Variants in SRRD observed in about 807,000 individuals in gnomAD.
SRRD encodes SRR1-like protein.
In SRRD, 28 loss-of-function variants were observed where a neutral mutation model predicts 30.7. That is an observed-to-expected ratio of 0.91 (90% confidence interval 0.68 to 1.25). SRRD has a LOEUF of 1.25. SRRD is among the 50% of genes most tolerant of loss of function. The probability of loss-of-function intolerance (pLI) is 0.00; values close to 1 mark genes in which losing one functional copy is unlikely to be tolerated. For synonymous variants in SRRD, 161 were observed against 159.6 expected, an observed-to-expected ratio of 1.01 and a Z score of -0.07; for missense variants, 415 against 417.3, an observed-to-expected ratio of 0.99 and a Z score of 0.05.
At chr22:26,488,513 C>G in intron 4 of SRRD, 25 bp downstream of exon 4, 1 of 1,571,958 alleles carries the variant, frequency 6.4e-7, no homozygotes, top group African/African-American at 1.3e-5. Context: ...GGGGAGCAGA[C>G]AGAACTGTAA....
chr22:26,485,859 C>T (rs1474872249), intron 1 of SRRD, among the ~76,000 whole-genome samples, 164 bp from the exon 2 acceptor site: 4 of 152,202 alleles, frequency 2.6e-5, no homozygotes, highest in Non-Finnish European at 5.9e-5. Context: ...TGCTCTGGCT[C>T]TGGACATATT....
At chr22:26,488,799 A>T (rs140945695) in intron 4 of SRRD, among the ~76,000 whole-genome samples, 1 of 152,376 alleles carries the variant, frequency 6.6e-6, no homozygotes, top group East Asian at 1.9e-4. Context: ...GAAACATAAA[A>T]GTCTAGGTGC....
chr22:26,483,942 C>G lies in SRRD; in HGVS notation c.52C>G (p.Arg18Gly). 7.4e-7 allele frequency: 1 copy of G among 1,355,928 alleles called. No individual in the cohort carries two copies. The highest frequency in any genetic ancestry group is 9.4e-7 in the Non-Finnish European group (1 of 1,065,288). The allele number at this position is 1,355,928 out of a possible 1,614,324, so 84.0% of individuals were successfully genotyped here. The change falls in exon 1 of 7, where the codon CGG (arginine) becomes GGG (glycine). Residue 18 changes from arginine (R) to glycine (G), a missense_variant. By Grantham distance (125) the Arg-to-Gly change is moderately radical. Coordinates refer to ENST00000215917, the MANE Select transcript of SRRD (RefSeq NM_001013694.3). ...ALESWQAAAP[R>G]KRRSAARRPR... is the part of the protein sequence containing the mutation. The stretch of plus-strand genomic sequence containing the variant: ...GGAATCCTGGCAGGCGGCGGCTCCG[C>G]GGAAGAGGCGCTCCGCGGCTCGACG...
rs1569146681 is a variant in SRRD at position 26,484,027 on chromosome 22, CGGCGCCCCGGG to C, written c.139_149del (p.Ala47ProfsTer8). The C allele has an allele frequency of 2.1e-5, 30 of 1,436,170 alleles. No individual in the cohort carries two copies. Among genetic ancestry groups the C allele is most frequent in the South Asian group, 2.8e-5 (2 of 72,066 alleles). The allele number at this position is 1,436,170 out of a possible 1,614,324, so 89.0% of individuals were successfully genotyped here. On this transcript the variant is annotated frameshift_variant, in exon 1 of 7. Coordinates refer to ENST00000215917, the MANE Select transcript of SRRD (RefSeq NM_001013694.3). LOFTEE classifies it high-confidence loss of function. ...GAGGCGGCGCCCCGGGGGAGAGAGG[CGGCGCCCCGGG>C]GCCCCGAGGCGGAGTTCGAGTCTGA...
chr22:26,490,581 T>TTTTTTTTTTTTTTC (rs1921041695), intron 5 of SRRD, among the ~76,000 whole-genome samples: 1 of 142,112 alleles, frequency 7.0e-6, no homozygotes, highest in Non-Finnish European at 1.5e-5. Context: ...TTTTTTTTTT[T>TTTTTTTTTTTTTTC]GAGATGGAGT....
At chr22:26,486,148 G>T in intron 2 of SRRD, 85 bp downstream of exon 2, 1 of 1,569,730 alleles carries the variant, frequency 6.4e-7, no homozygotes, top group Non-Finnish European at 8.8e-7. Context: ...TTCACAGAGG[G>T]ATAACTTGCT....
chr22:26,491,145 G>A (rs950436369), intron 6 of SRRD, 75 bp downstream of exon 6: 16 of 1,470,760 alleles, frequency 1.1e-5, no homozygotes, highest in African/African-American at 2.8e-5. Flanking sequence ...CTTTACAGGC[G>A]TAGGAGGAAA....
At chr22:26,489,646 A>G (rs1165819047) in intron 4 of SRRD, among the ~76,000 whole-genome samples, 2 of 152,076 alleles carry the variant, frequency 1.3e-5, no homozygotes, top group Non-Finnish European at 2.9e-5. Flanking sequence ...GGACATTGGA[A>G]GAGGACTTAG....
At chr22:26,490,816 A>G in intron 5 of SRRD, 1 of 522,782 alleles carries the variant, frequency 1.9e-6, no homozygotes, top group Admixed American at 3.4e-5. Flanking sequence ...CGCCCGCCTC[A>G]GTCTCCTGAA....
chr22:26,490,559 C>CTTTT lies in SRRD; in HGVS notation c.764+380_764+383dup, dbSNP rs71192931. On this transcript the variant is annotated intron_variant, in intron 5 of 6. Coordinates refer to ENST00000215917, the MANE Select transcript of SRRD (RefSeq NM_001013694.3). ...ATGGGCACAATTACTGGAATATTTG[C>CTTTT]TTTTTTTTTTTTTTTTTTTTTTGAG... 1.5e-3 allele frequency among the ~76,000 whole-genome samples: 76 copies of CTTTT among 51,838 alleles called. 11 individuals carry two copies. The highest frequency in any genetic ancestry group is 3.6e-3 in the African/African-American group (49 of 13,746). The allele number at this position is 51,838 out of a possible 152,430, so 34.0% of individuals were successfully genotyped here.
chr22:26,494,381 G>A lies in SRRD; in HGVS notation c.*2709G>A. 1 of 1,558,374 alleles carries A rather than the reference G, an allele frequency of 6.4e-7. No homozygotes were observed. Among genetic ancestry groups the A allele is most frequent in the Non-Finnish European group, 8.8e-7 (1 of 1,131,630 alleles). ...GATTTCTGAAGTGGCCATTTGTTTT[G>A]TTTTGATCCTGGTCCTACAGGCTAG... On this transcript the variant is annotated 3_prime_UTR_variant, in exon 7 of 7. Transcript: ENST00000215917.
chr22:26,488,375 A>G lies in SRRD; in HGVS notation c.511-15A>G. On this transcript the variant is annotated splice_polypyrimidine_tract_variant and intron_variant, in intron 3 of 6. Transcript: ENST00000215917. ...ATGTTTGGGTTGAAGTAAACAACTC[A>G]TTCTTCCCTTCTAGATTCCCAGAAG... 6.2e-7 allele frequency: 1 copy of G among 1,613,844 alleles called. No individual in the cohort carries two copies. The highest frequency in any genetic ancestry group is 8.5e-7 in the Non-Finnish European group (1 of 1,179,692).
Position 26,484,100 on chromosome 22 carries a change from G to A in SRRD, c.209+1G>A. The A allele has an allele frequency of 6.6e-7, 1 of 1,514,426 alleles. No individual in the cohort carries two copies. The highest frequency in any genetic ancestry group is 8.8e-7 in the Non-Finnish European group (1 of 1,137,552). 93.8% of individuals were successfully genotyped at this position (1,514,426 alleles called of 1,614,324 possible). ...TGCTTCGTCGCATCTGGGAGGCTGA[G>A]TGAGTGCAGGCTCGGCCCTGATGGA... On this transcript the variant is annotated splice_donor_variant, in intron 1 of 6. Coordinates refer to ENST00000215917, the MANE Select transcript of SRRD (RefSeq NM_001013694.3). LOFTEE classifies it high-confidence loss of function.
chr22:26,491,525 T>G lies in SRRD; in HGVS notation c.873T>G (p.Asn291Lys). The change falls in exon 7 of 7, where the codon AAT becomes AAG. Residue 291 changes from asparagine to lysine, a missense_variant. Coordinates refer to ENST00000215917, the MANE Select transcript of SRRD (RefSeq NM_001013694.3). Reference protein sequence around the residue: ...PQTSQYMDIFNDTSVHWFPVQ... With the variant: ...PQTSQYMDIFKDTSVHWFPVQ... ...CTTCACAATACATGGACATATTTAA[T>G]GATACCTCTGTCCACTGGTTCCCTG... is the stretch of plus-strand genomic sequence containing the variant. 1 of 1,614,114 alleles carries G rather than the reference T, an allele frequency of 6.2e-7. No individual in the cohort carries two copies. The highest frequency in any genetic ancestry group is 8.5e-7 in the Non-Finnish European group (1 of 1,179,944).
At chr22:26,490,973 C>A in intron 5 of SRRD, 52 bp from the exon 6 acceptor site, 1 of 1,502,264 alleles carries the variant, frequency 6.7e-7, no homozygotes, top group Non-Finnish European at 9.2e-7. Flanking sequence ...ATCCTCATAC[C>A]TCCTAATCAT....
chr22:26,489,401 GC>G (rs1433951085), intron 4 of SRRD, among the ~76,000 whole-genome samples: 1 of 152,134 alleles, frequency 6.6e-6, no homozygotes, highest in East Asian at 1.9e-4. Context: ...CTGGGTCTGA[GC>G]TGGGCTTTGA....
At chr22:26,485,929 A>G in intron 1 of SRRD, 94 bp from the exon 2 acceptor site, 1 of 1,482,678 alleles carries the variant, frequency 6.7e-7, no homozygotes, top group African/African-American at 1.4e-5. Context: ...AGGGCACCTC[A>G]TTCTGTAAGC....
chr22:26,485,997 G>T, intron 1 of SRRD, 26 bp from the exon 2 acceptor site: 1 of 1,614,166 alleles, frequency 6.2e-7, no homozygotes, highest in South Asian at 1.1e-5. Context: ...GGTGGGACAT[G>T]ACTGTGCCAT....
chr22:26,494,173 A>T lies in SRRD; in HGVS notation c.*2501A>T. 6.2e-7 allele frequency: 1 copy of T among 1,614,208 alleles called. No homozygotes were observed. The highest frequency in any genetic ancestry group is 8.5e-7 in the Non-Finnish European group (1 of 1,180,036). ...AGGACACCGCCCGGTTCATGATATC[A>T]AGTGCCTCATTAAATTTGTCCTTGA... On this transcript the variant is annotated 3_prime_UTR_variant, in exon 7 of 7. Coordinates refer to ENST00000215917, the MANE Select transcript of SRRD (RefSeq NM_001013694.3).
Sources: gnomAD v4.1 joint callset for allele counts (sites outside exome capture counted in the v4.1 genomes callset) on GRCh38, gnomAD v4.1.1 for gene constraint, MANE v1.5 for transcripts, NCBI Gene and HGNC (gene_info 2026-07-23, HGNC 2026-07-21) for gene names.